The following KCTD16 variants were observed in gnomAD, a reference collection of about 807,000 sequenced individuals.
KCTD16 encodes the protein potassium channel tetramerization domain containing 16, also known as BTB/POZ domain-containing protein KCTD16.
A neutral mutation model predicts 33.2 loss-of-function variants in KCTD16; 13 were observed. The observed-to-expected ratio is 0.39, with a 90% CI of 0.25 to 0.62. KCTD16 has a LOEUF of 0.62. Ranked by LOEUF, KCTD16 falls within the 20% of genes least tolerant of loss-of-function variation. The pLI, the probability that KCTD16 is intolerant of heterozygous loss-of-function variation, is 0.50. For missense variants in KCTD16, 441 were observed against 525.1 expected (o/e 0.84, Z 1.57); for synonymous variants, 197 against 195.3 (o/e 1.01, Z -0.07).
At chr5:144,186,386 T>C (rs982915009) in intron 2 of KCTD16, among the ~76,000 whole-genome samples, 6 of 150,094 alleles carry the variant, frequency 4.0e-5, no homozygotes, top group African/African-American at 1.5e-4. Flanking sequence ...AACTAATGGC[T>C]TATTGTCCCT....
At chr5:144,322,338 C>T (rs1335591433) in intron 3 of KCTD16, among the ~76,000 whole-genome samples, 2 of 152,066 alleles carry the variant, frequency 1.3e-5, no homozygotes, top group East Asian at 1.9e-4. Flanking sequence ...ATCTTCCATC[C>T]TACTGTTTGG....
chr5:144,182,762 A>G (rs10037402), intron 2 of KCTD16, among the ~76,000 whole-genome samples: 2,389 of 149,500 alleles, frequency 0.016, 62 homozygotes, highest in African/African-American at 0.054. Flanking sequence ...GAGAGAGAGA[A>G]AGAGAGAGAG....
In KCTD16 at chr5:144,417,826, A is replaced by G. The variant is rs564073512; in HGVS notation, c.833-55834A>G. On this transcript the variant is annotated intron_variant, in intron 3 of 3. Coordinates refer to ENST00000512467, the MANE Select transcript of KCTD16 (RefSeq NM_020768.4). ...TTCTTCTGCATATGGATATGCAGTTATTTTGGTATTATTTGTTGAAGATGT... is the reference window on the plus strand; with the variant it reads ...TTCTTCTGCATATGGATATGCAGTTGTTTTGGTATTATTTGTTGAAGATGT... 2.6e-5 allele frequency among the ~76,000 whole-genome samples: 4 copies of G among 152,046 alleles called. No individual in the cohort carries two copies. In the South Asian group the frequency reaches 6.2e-4, roughly 24 times the overall value.
intron 2 of KCTD16, among the ~76,000 whole-genome samples, chr5:144,176,907 T>G (rs1018031525): frequency 4.6e-5 from 7 of 152,208 alleles, no homozygotes; most frequent in African/African-American, 1.7e-4. Context: ...CGATTTAAGT[T>G]CCTTATAGAT....
At chr5:144,459,617 C>T (rs769042545) in intron 3 of KCTD16, among the ~76,000 whole-genome samples, 10 of 150,928 alleles carry the variant, frequency 6.6e-5, no homozygotes, top group Non-Finnish European at 1.2e-4. Flanking sequence ...CCCAAAGTGC[C>T]GGGATTACAG....
chr5:144,273,843 C>A (rs13165379), intron 3 of KCTD16, among the ~76,000 whole-genome samples: 1 of 151,592 alleles, frequency 6.6e-6, no homozygotes, highest in Admixed American at 6.6e-5. Flanking sequence ...GATTAAGAGT[C>A]ATAGAGATGG....
At chr5:144,191,530 T>G (rs901432781) in intron 2 of KCTD16, among the ~76,000 whole-genome samples, 6 of 152,202 alleles carry the variant, frequency 3.9e-5, no homozygotes, top group Non-Finnish European at 8.8e-5. Context: ...AGGTTCCACC[T>G]GTCCTTCAAA....
chr5:144,222,492 T>G lies in KCTD16; in HGVS notation c.832+14946T>G, dbSNP rs149377160. On this transcript the variant is annotated intron_variant, in intron 3 of 3. Coordinates refer to ENST00000512467, the MANE Select transcript of KCTD16 (RefSeq NM_020768.4). ...GCATAATATCACTTAGAAGTAGACA[T>G]ACACTTCTCAAAAGAAGACATTTAT... is the stretch of plus-strand genomic sequence containing the variant. 1.9e-4 allele frequency among the ~76,000 whole-genome samples: 29 copies of G among 151,512 alleles called. No homozygotes were observed. The East Asian group carries it at 4.7e-3, about 24-fold the overall frequency.
chr5:144,282,507 G>A (rs867490469), intron 3 of KCTD16, among the ~76,000 whole-genome samples: 3 of 152,278 alleles, frequency 2.0e-5, no homozygotes, highest in Middle Eastern at 3.4e-3. Flanking sequence ...CTGTGACAAT[G>A]TTGATTAATA....
chr5:144,184,081 C>T (rs1752678556), intron 2 of KCTD16, among the ~76,000 whole-genome samples: 1 of 152,210 alleles, frequency 6.6e-6, no homozygotes, highest in Non-Finnish European at 1.5e-5. Flanking sequence ...TTTTAAAATT[C>T]AATTTTTATT....
chr5:144,209,968 C>CT (rs935017742), intron 3 of KCTD16, among the ~76,000 whole-genome samples: 2 of 150,172 alleles, frequency 1.3e-5, no homozygotes, highest in African/African-American at 4.9e-5. Flanking sequence ...AGCAATCAGT[C>CT]TTTTTTAATA....
At chr5:144,249,005 G>A (rs1009954286) in intron 3 of KCTD16, among the ~76,000 whole-genome samples, 3 of 152,078 alleles carry the variant, frequency 2.0e-5, no homozygotes, top group Non-Finnish European at 4.4e-5. Flanking sequence ...AAATCAGATC[G>A]AGTCACTCTC....
At chr5:144,237,290 A>G (rs1316461176) in intron 3 of KCTD16, among the ~76,000 whole-genome samples, 1 of 152,044 alleles carries the variant, frequency 6.6e-6, no homozygotes, top group East Asian at 1.9e-4. Context: ...AACAGTCACT[A>G]TTTAGATCAT....
At chr5:144,176,144 G>A (rs1288084152) in intron 2 of KCTD16, among the ~76,000 whole-genome samples, 1 of 152,074 alleles carries the variant, frequency 6.6e-6, no homozygotes, top group Non-Finnish European at 1.5e-5. Context: ...TGAAAATTGT[G>A]AACAGTGCTT....
rs573000176 is a variant in KCTD16 at position 144,457,186 on chromosome 5, C to T, written c.833-16474C>T. On this transcript the variant is annotated intron_variant, in intron 3 of 3. Transcript: ENST00000512467. Reference sequence around the variant, plus strand: ...CATTTATTTGCTCCCTCCAATGACTCGGGCCAGGTGGCCCTTACATGCCAA... The same window carrying T: ...CATTTATTTGCTCCCTCCAATGACTTGGGCCAGGTGGCCCTTACATGCCAA... Among the ~76,000 whole-genome samples the T allele has an allele frequency of 3.9e-5, 6 of 152,350 alleles. No homozygotes were observed. The South Asian group carries it at 1.2e-3, about 32-fold the overall frequency.
rs576301720 is a variant in KCTD16, at chr5:144,482,702, T to C, written c.*8588T>C. 1 of 151,776 alleles carries C rather than the reference T, an allele frequency of 6.6e-6. No homozygotes were observed. The highest frequency in any genetic ancestry group is 1.5e-5 in the Non-Finnish European group (1 of 67,870). 9.4% of individuals were successfully genotyped at this position (151,776 alleles called of 1,614,324 possible). On this transcript the variant is annotated 3_prime_UTR_variant, in exon 4 of 4. Transcript: ENST00000512467. The stretch of plus-strand genomic sequence containing the variant: ...GCATGCATGTGTGAGTGTGTGTGTG[T>C]GAGGAGTGTGTGTATTTATGTGTGT...
At chr5:144,321,055 A>G (rs1407625977) in intron 3 of KCTD16, among the ~76,000 whole-genome samples, 3 of 152,014 alleles carry the variant, frequency 2.0e-5, no homozygotes, top group Non-Finnish European at 4.4e-5. Flanking sequence ...GGTTTTCACT[A>G]TGTTGGTCAG....
chr5:144,334,805 C>A (rs541701660), intron 3 of KCTD16, among the ~76,000 whole-genome samples: 6 of 152,174 alleles, frequency 3.9e-5, no homozygotes, highest in African/African-American at 1.4e-4. Context: ...TAGACAGGGT[C>A]TCACTCTGTC....
chr5:144,458,248 G>A (rs1229333890), intron 3 of KCTD16, among the ~76,000 whole-genome samples: 1 of 152,092 alleles, frequency 6.6e-6, no homozygotes, highest in African/African-American at 2.4e-5. Flanking sequence ...GCAAACTGAG[G>A]TTCAGTAACT....
Sources: allele counts gnomAD v4.1 joint callset (sites outside exome capture counted in the v4.1 genomes callset), GRCh38; gene constraint gnomAD v4.1.1; transcripts MANE v1.5; gene names NCBI Gene and HGNC (gene_info 2026-07-23, HGNC 2026-07-21).